Variants in IGLON5 observed in about 807,000 individuals in gnomAD.
IGLON5 encodes the protein Ig-like domain-containing protein ENSP00000270642.
In IGLON5, 16 loss-of-function variants were observed where a neutral mutation model predicts 38.2. The observed-to-expected ratio is 0.42, with a 90% CI of 0.28 to 0.64. IGLON5 has a LOEUF of 0.64. Ranked by LOEUF, IGLON5 falls within the 30% of genes least tolerant of loss-of-function variation. The pLI is 0.23. For synonymous variants in IGLON5, 207 were observed against 216.4 expected, an observed-to-expected ratio of 0.96 and a Z score of 0.38; for missense variants, 366 against 483.4, an observed-to-expected ratio of 0.76 and a Z score of 2.28.
chr19:51,315,635 A>G (rs1204622130), intron 1 of IGLON5, among the ~76,000 whole-genome samples: 1 of 150,852 alleles, frequency 6.6e-6, no homozygotes, highest in Non-Finnish European at 1.5e-5. Context: ...TGAGGAAACC[A>G]TCTCTGAGCA....
intron 1 of IGLON5, among the ~76,000 whole-genome samples, chr19:51,320,643 G>C (rs1380050389): frequency 6.6e-6 from 1 of 152,194 alleles, no homozygotes; most frequent in African/African-American, 2.4e-5. Flanking sequence ...CACACAGTGT[G>C]CCTGTGTAGA....
At chr19:51,316,463 CT>C (rs11424604) in intron 1 of IGLON5, among the ~76,000 whole-genome samples, 9,672 of 147,482 alleles carry the variant, frequency 0.066, 956 homozygotes, top group African/African-American at 0.21. Context: ...CAGATTTTTT[CT>C]TTTTTTTTCT....
chr19:51,316,305 A>T (rs894810229), intron 1 of IGLON5, among the ~76,000 whole-genome samples: 1 of 146,324 alleles, frequency 6.8e-6, no homozygotes, highest in African/African-American at 2.6e-5. Flanking sequence ...AGATGGTGCC[A>T]CTGCATTCCA....
rs754882196 is a variant in IGLON5 at position 51,327,093 on chromosome 19, C to T, written c.660C>T (p.Ile220=). The change falls in exon 6 of 8, where the codon ATC becomes ATT. Residue 220 remains isoleucine, a synonymous_variant. Transcript: ENST00000270642. This position sits in a 1 kb window ranked among gnomAD's most constrained non-coding sequence, Gnocchi z 7.1. The stretch of plus-strand genomic sequence containing the variant: ...GCCCCTCGCCAGATCCTCCGACCAT[C>T]ACGGACGTGACCAGCGCCCGCACCG... ...VLVTVNYPPT[I]TDVTSARTAL... is the part of the protein sequence containing the mutation. 2.2e-5 allele frequency: 35 copies of T among 1,609,272 alleles called. No individual in the cohort carries two copies. In the East Asian group the frequency reaches 7.6e-4, roughly 35 times the overall value.
chr19:51,329,132 G>A lies in IGLON5; in HGVS notation c.*373G>A, dbSNP rs1305918941. On this transcript the variant is annotated 3_prime_UTR_variant, in exon 8 of 8. Transcript: ENST00000270642. This position sits in a 1 kb window ranked among gnomAD's most constrained non-coding sequence, Gnocchi z 4.3. ...TGTCTGTGTCTCTGTTTGTGTGTGT[G>A]TGGGGGGGTGGGCTGGGGGAAGGGA... 2.7e-5 allele frequency: 4 copies of A among 149,950 alleles called. No homozygotes were observed. The highest frequency in any genetic ancestry group is 1.1e-4 in the African/African-American group (4 of 36,132). 9.3% of individuals were successfully genotyped at this position (149,950 alleles called of 1,614,324 possible). A position where few individuals can be genotyped will look rare whatever the true frequency, so the allele number is the denominator to read the frequency against.
At chr19:51,320,517 G>A (rs1049242811) in intron 1 of IGLON5, among the ~76,000 whole-genome samples, 1 of 151,970 alleles carries the variant, frequency 6.6e-6, no homozygotes, top group Admixed American at 6.5e-5. Context: ...GGTCCAGCCC[G>A]CTGGCCACGG....
In IGLON5 at chr19:51,327,876, G is replaced by C; in HGVS notation, c.912G>C (p.Met304Ile). The C allele has an allele frequency of 6.6e-7, 1 of 1,517,702 alleles. No individual in the cohort carries two copies. The highest frequency in any genetic ancestry group is 8.8e-7 in the Non-Finnish European group (1 of 1,130,270). 94.0% of individuals were successfully genotyped at this position (1,517,702 alleles called of 1,614,324 possible). A position where few individuals can be genotyped will look rare whatever the true frequency, so the allele number is the denominator to read the frequency against. ...ANRLGASSAS[M>I]RLLRPGSLEN... is the part of the protein sequence containing the mutation. ...GACTGGGAGCGTCCAGCGCCTCCAT[G>C]CGGCTCCTGCGTGCGTCTTCGGGCG... The change falls in exon 7 of 8, where the codon ATG (methionine) becomes ATC (isoleucine). Residue 304 changes from methionine to isoleucine, a missense_variant. Transcript: ENST00000270642. This position sits in a 1 kb window ranked among gnomAD's most constrained non-coding sequence, Gnocchi z 7.1.
At chr19:51,317,867 C>T (rs1235732770) in intron 1 of IGLON5, among the ~76,000 whole-genome samples, 1 of 152,216 alleles carries the variant, frequency 6.6e-6, no homozygotes, top group Non-Finnish European at 1.5e-5. Context: ...AACTGAAGCT[C>T]ACACTGGCCA....
At chr19:51,326,584 C>T (rs929960968) in intron 4 of IGLON5, among the ~76,000 whole-genome samples, 180 bp from the exon 5 acceptor site, 1 of 150,804 alleles carries the variant, frequency 6.6e-6, no homozygotes, top group Non-Finnish European at 1.5e-5. Flanking sequence ...CCCCCACCCC[C>T]AGCTGGAGAG....
At chr19:51,318,049 A>C (rs1215823534) in intron 1 of IGLON5, among the ~76,000 whole-genome samples, 3 of 152,210 alleles carry the variant, frequency 2.0e-5, no homozygotes, top group Non-Finnish European at 2.9e-5. Flanking sequence ...GATTCAAGCC[A>C]TCACAAAGCT....
chr19:51,314,933 T>G (rs1339577694), intron 1 of IGLON5, among the ~76,000 whole-genome samples: 2 of 152,164 alleles, frequency 1.3e-5, no homozygotes, highest in South Asian at 2.1e-4. Context: ...TTCTGCAGAC[T>G]TAGACACGAC....
At chr19:51,322,185 T>C (rs1985077965) in intron 2 of IGLON5, 43 bp downstream of exon 2, 1 of 1,482,196 alleles carries the variant, frequency 6.7e-7, no homozygotes, top group Non-Finnish European at 9.4e-7. Flanking sequence ...CATGGAGCCA[T>C]GCGGTCCTGC....
Position 51,311,728 on chromosome 19 carries a change from C to T in IGLON5, c.-120C>T, listed in dbSNP as rs1307846517. The T allele has an allele frequency of 3.5e-5, 1 of 28,920 alleles. No individual in the cohort carries two copies. Among genetic ancestry groups the T allele is most frequent in the African/African-American group, 3.7e-4 (1 of 2,668 alleles). The allele number at this position is 28,920 out of a possible 1,614,324, so 1.8% of individuals were successfully genotyped here. On this transcript the variant is annotated 5_prime_UTR_variant, in exon 1 of 8. Transcript: ENST00000270642. ...CAGCCCCCTCCCCCCGCCCCCGCCGCCCCCCGGGCCGGTGCAGCGCAGGCG... is the reference window on the plus strand; with the variant it reads ...CAGCCCCCTCCCCCCGCCCCCGCCGTCCCCCGGGCCGGTGCAGCGCAGGCG...
At position 51,322,757 on chromosome 19, in the gene IGLON5, C is replaced by T. The variant is rs115138313; in HGVS notation, c.158+615C>T. Among the ~76,000 whole-genome samples, 566 of 145,564 alleles carry T rather than the reference C, an allele frequency of 3.9e-3. 3 individuals are homozygous for T. The highest frequency in any genetic ancestry group is 0.013 in the African/African-American group (509 of 38,406). The stretch of plus-strand genomic sequence containing the variant: ...CTCTGTCCCCTTCTCTCTGAGTCTC[C>T]CTCTGGGTCTCTTTCCCTCTCTCTC... On this transcript the variant is annotated intron_variant, in intron 2 of 7. Transcript: ENST00000270642.
chr19:51,319,095 T>C (rs1599824097), intron 1 of IGLON5, among the ~76,000 whole-genome samples: 1 of 152,300 alleles, frequency 6.6e-6, no homozygotes, highest in South Asian at 2.1e-4. Flanking sequence ...TGCTGAGGTT[T>C]AGGAACCCTG....
Position 51,327,281 on chromosome 19 carries a change from C to G in IGLON5, c.767+81C>G, listed in dbSNP as rs1270269544. ...TCGATTGTGAGGCAGGGGGACGGAG[C>G]GGGGCGGGGGAAGGCAGCAGAGCTC... On this transcript the variant is annotated intron_variant, in intron 6 of 7. Coordinates refer to ENST00000270642, the MANE Select transcript of IGLON5 (RefSeq NM_001101372.3). This position sits in a 1 kb window ranked among gnomAD's most constrained non-coding sequence, Gnocchi z 7.1. 7 of 1,509,730 alleles carry G rather than the reference C, an allele frequency of 4.6e-6. No homozygotes were observed. Among genetic ancestry groups the G allele is most frequent in the Admixed American group, 1.9e-5 (1 of 53,726 alleles). The allele number at this position is 1,509,730 out of a possible 1,614,324, so 93.5% of individuals were successfully genotyped here.
In IGLON5 at chr19:51,328,668, C is replaced by T; in HGVS notation, c.923-3C>T. The T allele has an allele frequency of 6.4e-7, 1 of 1,564,242 alleles. No homozygotes were observed. The highest frequency in any genetic ancestry group is 2.3e-5 in the East Asian group (1 of 42,724). ...CCCTCCATGACCCCTTCTCTTCCCC[C>T]AGGCCCAGGATCCCTGGAGAACTCA... On this transcript the variant is annotated splice_region_variant and splice_polypyrimidine_tract_variant and intron_variant, in intron 7 of 7. Transcript: ENST00000270642.
At chr19:51,314,075 C>T (rs1984850766) in intron 1 of IGLON5, among the ~76,000 whole-genome samples, 1 of 151,670 alleles carries the variant, frequency 6.6e-6, no homozygotes, top group South Asian at 2.1e-4. Flanking sequence ...CTTCTTCTTC[C>T]TCCTCTTCTT....
chr19:51,319,542 C>CGT (rs141978281), intron 1 of IGLON5, among the ~76,000 whole-genome samples: 1 of 151,260 alleles, frequency 6.6e-6, no homozygotes, highest in Admixed American at 6.6e-5. Context: ...GGTTAGTAAG[C>CGT]GTGTGTGTGT....
Sources: allele counts gnomAD v4.1 joint callset (sites outside exome capture counted in the v4.1 genomes callset), GRCh38; gene constraint gnomAD v4.1.1; non-coding constraint Gnocchi (gnomAD v3.1); transcripts MANE v1.5; gene names NCBI Gene and HGNC (gene_info 2026-07-23, HGNC 2026-07-21).